DUSP9: variants seen among roughly 807,000 people sequenced by gnomAD.
DUSP9 encodes the protein dual specificity protein phosphatase 9.
In DUSP9, 4 loss-of-function variants were observed where a neutral mutation model predicts 13.2. The observed-to-expected ratio is 0.30, with a 90% CI of 0.15 to 0.69. The LOEUF is 0.69. Ranked by LOEUF, DUSP9 falls within the 30% of genes least tolerant of loss-of-function variation. The pLI, the probability that DUSP9 is intolerant of heterozygous loss-of-function variation, is 0.73. For synonymous variants in DUSP9, 166 were observed against 172.3 expected, an observed-to-expected ratio of 0.96 and a Z score of 0.29; for missense variants, 263 against 355.0, an observed-to-expected ratio of 0.74 and a Z score of 2.08.
rs782005383 is a variant in DUSP9, at chrX:153,650,256, T to C, written c.1106T>C (p.Phe369Ser). The change falls in exon 4 of 4, where the codon TTC becomes TCC. Residue 369 changes from phenylalanine to serine, a missense_variant. Physicochemically the swap from Phe to Ser is radical, Grantham distance 155. Transcript: ENST00000342782. ...TCTGCGGCCTCCAACCCGCCCTCCT[T>C]CTTCACCACCCCCACCAGTGATGGC... ...QASAASNPPSFFTTPTSDGAF... is the reference protein window; with the variant it reads ...QASAASNPPSSFTTPTSDGAF... The C allele has an allele frequency of 3.3e-6, 4 of 1,206,473 alleles. No individual in the cohort carries two copies. The South Asian group carries it at 5.3e-5, about 16-fold the overall frequency.
In DUSP9 at chrX:153,648,103, G is replaced by A. The variant is rs782588600; in HGVS notation, c.150G>A (p.Leu50=). 7 of 1,003,386 alleles carry A rather than the reference G, an allele frequency of 7.0e-6. No homozygotes were observed. The South Asian group carries it at 2.0e-4, about 29-fold the overall frequency. The allele number at this position is 1,003,386 out of a possible 1,213,427, so 82.7% of individuals were successfully genotyped here. A position where few individuals can be genotyped will look rare whatever the true frequency, so the allele number is the denominator to read the frequency against. ...TGAGCGTGGCCCTGCCGGCGCTCCT[G>A]CTGCGCCGCCTGCGGAGGGGCAGCC... The part of the protein sequence containing the change: ...GALSVALPAL[L]LRRLRRGSLS... Residue 50 remains leucine, a synonymous_variant, in exon 2 of 4, where the codon CTG becomes CTA. Transcript: ENST00000342782.
At chrX:153,649,188 CCCAGAAGGCCA>C (rs1569538011) in intron 2 of DUSP9, 33 bp from the exon 3 acceptor site, 6 of 1,167,591 alleles carry the variant, frequency 5.1e-6, no homozygotes, top group Non-Finnish European at 7.0e-6. Flanking sequence ...CACTTGGCTG[CCCAGAAGGCCA>C]GGTCAGCAGG....
In DUSP9 at chrX:153,647,919, C is replaced by T. The variant is rs782105557; in HGVS notation, c.-35C>T. The T allele has an allele frequency of 4.2e-4, 425 of 1,001,410 alleles. 1 individual carries two copies. Among genetic ancestry groups the T allele is most frequent in the Non-Finnish European group, 5.1e-4 (404 of 793,182 alleles). 82.5% of individuals were successfully genotyped at this position (1,001,410 alleles called of 1,213,427 possible). ...CACCGCGCCTTCTCTCTCTTCGCAG[C>T]GCCCGTGGTCCAGCGTGTAGGGAGC... On this transcript the variant is annotated splice_region_variant and 5_prime_UTR_variant, in exon 2 of 4. Coordinates refer to ENST00000342782, the MANE Select transcript of DUSP9 (RefSeq NM_001318503.2).
chrX:153,644,184 CA>C (rs1298310959), upstream of DUSP9, among the ~76,000 whole-genome samples: 3 of 104,977 alleles, frequency 2.9e-5, no homozygotes, highest in East Asian at 9.2e-4. Context: ...CTCCCGGGAC[CA>C]GAGGGCGCAC....
At chrX:153,647,035 C>G (rs1414774672), upstream of DUSP9, among the ~76,000 whole-genome samples, 2 of 112,495 alleles carry the variant, frequency 1.8e-5, no homozygotes, top group Admixed American at 1.8e-4. Flanking sequence ...TTGGCCTCTG[C>G]CCCGACCCCG....
Position 153,648,134 on chromosome X carries a change from G to A in DUSP9, c.181G>A (p.Val61Met), listed in dbSNP as rs1557035801. The A allele has an allele frequency of 1.0e-6, 1 of 994,030 alleles. No individual in the cohort carries two copies. The highest frequency in any genetic ancestry group is 1.3e-6 in the Non-Finnish European group (1 of 793,125). 81.9% of individuals were successfully genotyped at this position (994,030 alleles called of 1,213,427 possible). ...LRRLRRGSLS[V>M]RALLPGPPLQ... ...CCGCCTGCGGAGGGGCAGCCTGTCG[G>A]TGCGCGCGCTCCTGCCTGGGCCGCC... is the stretch of plus-strand genomic sequence containing the variant. Residue 61 changes from valine (V) to methionine (M), a missense_variant, in exon 2 of 4, where the codon GTG becomes ATG. By Grantham distance (21) the Val-to-Met change is conservative. Transcript: ENST00000342782.
upstream of DUSP9, among the ~76,000 whole-genome samples, chrX:153,645,670 C>G (rs1473404466): frequency 8.8e-6 from 1 of 113,145 alleles, no homozygotes; most frequent in Non-Finnish European, 1.9e-5. Context: ...GGTGCCCATC[C>G]TCGTGTGCAT....
At position 153,650,598 on chromosome X, in the gene DUSP9, G is replaced by A; in HGVS notation, c.*293G>A. 3.1e-6 allele frequency: 1 copy of A among 322,805 alleles called. No homozygotes were observed. The highest frequency in any genetic ancestry group is 5.4e-6 in the Non-Finnish European group (1 of 184,920). The allele number at this position is 322,805 out of a possible 1,213,427, so 26.6% of individuals were successfully genotyped here. A position where few individuals can be genotyped will look rare whatever the true frequency, so the allele number is the denominator to read the frequency against. Reference sequence around the variant, plus strand: ...CGGCCCTGGGTGCTCAGCCAGCTCGGCTAGGCCCTGCGCCTCCCTGCGCTT... The same window carrying A: ...CGGCCCTGGGTGCTCAGCCAGCTCGACTAGGCCCTGCGCCTCCCTGCGCTT... On this transcript the variant is annotated 3_prime_UTR_variant, in exon 4 of 4. Coordinates refer to ENST00000342782, the MANE Select transcript of DUSP9 (RefSeq NM_001318503.2).
rs1557036552 is a variant in DUSP9 at position 153,651,266 on chromosome X, C to T, written c.*961C>T. On this transcript the variant is annotated 3_prime_UTR_variant, in exon 4 of 4. Transcript: ENST00000342782. ...TCTATGCTTGTTTGTTTTTGTAATC[C>T]ATATCATAGTTGCTTTCTTTAATTG... 3 of 112,601 alleles carry T rather than the reference C, an allele frequency of 2.7e-5. No individual in the cohort carries two copies. The highest frequency in any genetic ancestry group is 3.8e-5 in the Non-Finnish European group (2 of 53,246). 9.3% of individuals were successfully genotyped at this position (112,601 alleles called of 1,213,427 possible). A position where few individuals can be genotyped will look rare whatever the true frequency, so the allele number is the denominator to read the frequency against.
In DUSP9 at chrX:153,648,060, C is replaced by T. The variant is rs1557035756; in HGVS notation, c.107C>T (p.Ala36Val). 1 of 1,067,946 alleles carries T rather than the reference C, an allele frequency of 9.4e-7. No individual in the cohort carries two copies. Among genetic ancestry groups the T allele is most frequent in the Non-Finnish European group, 1.2e-6 (1 of 831,894 alleles). 88.0% of individuals were successfully genotyped at this position (1,067,946 alleles called of 1,213,427 possible). A position where few individuals can be genotyped will look rare whatever the true frequency, so the allele number is the denominator to read the frequency against. The change falls in exon 2 of 4, where the codon GCG (alanine) becomes GTG (valine). Residue 36 changes from alanine to valine, a missense_variant. Physicochemically the swap from Ala to Val is moderately conservative, Grantham distance 64. Transcript: ENST00000342782. The stretch of plus-strand genomic sequence containing the variant: ...CGCAGCCGCGAGCTGTACGAGTCGG[C>T]GCGCATCGGTGGGGCGCTGAGCGTG... The part of the protein sequence containing the change: ...DCRSRELYES[A>V]RIGGALSVAL...
chrX:153,644,465 G>C (rs2091181358), upstream of DUSP9, among the ~76,000 whole-genome samples: 1 of 108,818 alleles, frequency 9.2e-6, no homozygotes, highest in African/African-American at 3.3e-5. Context: ...GCCCAGAGCC[G>C]GCGCTACAGG....
In DUSP9 at chrX:153,649,816, G is replaced by A. The variant is rs1455074078; in HGVS notation, c.829+129G>A. 5.7e-6 allele frequency: 5 copies of A among 880,336 alleles called. No homozygotes were observed. In the African/African-American group the frequency reaches 8.1e-5, roughly 14 times the overall value. 72.5% of individuals were successfully genotyped at this position (880,336 alleles called of 1,213,427 possible). ...AAAAGCCTAGGTGACAGTTCTAGGG[G>A]ACAGGCAGAGCTAGGGCGGCCCCCA... On this transcript the variant is annotated intron_variant, in intron 3 of 3. Coordinates refer to ENST00000342782, the MANE Select transcript of DUSP9 (RefSeq NM_001318503.2).
At chrX:153,649,887 G>A (rs1198645058) in intron 3 of DUSP9, 93 bp from the exon 4 acceptor site, 8 of 1,051,419 alleles carry the variant, frequency 7.6e-6, no homozygotes, top group Non-Finnish European at 8.9e-6. Flanking sequence ...TGGCCCAGGG[G>A]GCAGGGCGGG....
Position 153,650,035 on chromosome X carries a change from C to T in DUSP9, c.885C>T (p.Ser295=). The change falls in exon 4 of 4, where the codon AGC becomes AGT. Residue 295 remains serine, a synonymous_variant. Coordinates refer to ENST00000342782, the MANE Select transcript of DUSP9 (RefSeq NM_001318503.2). The part of the protein sequence containing the change: ...GVLVHCLAGV[S]RSVTVTVAYL... ...TCGTCCACTGCTTGGCGGGGGTCAG[C>T]CGTTCTGTCACCGTCACTGTGGCCT... 8.3e-7 allele frequency: 1 copy of T among 1,211,283 alleles called. No homozygotes were observed.
At position 153,650,425 on chromosome X, in the gene DUSP9, A is replaced by C; in HGVS notation, c.*120A>C. 1 of 533,333 alleles carries C rather than the reference A, an allele frequency of 1.9e-6. No individual in the cohort carries two copies. Among genetic ancestry groups the C allele is most frequent in the Non-Finnish European group, 3.0e-6 (1 of 333,031 alleles). The allele number at this position is 533,333 out of a possible 1,213,427, so 44.0% of individuals were successfully genotyped here. A position where few individuals can be genotyped will look rare whatever the true frequency, so the allele number is the denominator to read the frequency against. ...GGCCTGAGCAGGGTGCTGGGGGGAG[A>C]GCGCAATACCTCACGCGGGCTGCCG... On this transcript the variant is annotated 3_prime_UTR_variant, in exon 4 of 4. Transcript: ENST00000342782.
upstream of DUSP9, among the ~76,000 whole-genome samples, chrX:153,643,968 G>T (rs1557035175): frequency 1.8e-5 from 2 of 112,519 alleles, no homozygotes; most frequent in Non-Finnish European, 3.8e-5. Flanking sequence ...CCAGTCCCGC[G>T]AGGAGACCGA....
rs139744131 is a variant in DUSP9, at chrX:153,650,224, G to T, written c.1074G>T (p.Gly358=). 1,977 of 1,210,308 alleles carry T rather than the reference G, an allele frequency of 1.6e-3. No homozygotes were observed. The highest frequency in any genetic ancestry group is 2.0e-3 in the Non-Finnish European group (1,796 of 895,150). ...ACTCGCAGGAGCAGGGCAGTGGGGG[G>T]CAGGCATCTGCGGCCTCCAACCCGC... ...ERHSQEQGSG[G]QASAASNPPS... The change falls in exon 4 of 4, where the codon GGG becomes GGT. Residue 358 remains glycine (G), a synonymous_variant. Transcript: ENST00000342782.
intron 2 of DUSP9, 48 bp from the exon 3 acceptor site, chrX:153,649,184 G>T: frequency 8.6e-7 from 1 of 1,161,481 alleles, no homozygotes; most frequent in Non-Finnish European, 1.2e-6. Flanking sequence ...GAGGCACTTG[G>T]CTGCCCAGAA....
At chrX:153,649,849 C>G in intron 3 of DUSP9, 131 bp from the exon 4 acceptor site, 1 of 932,383 alleles carries the variant, frequency 1.1e-6, no homozygotes, top group Non-Finnish European at 1.5e-6. Context: ...CCAGAGGCCA[C>G]TAGAGAAACC....
Sources: allele counts gnomAD v4.1 joint callset (sites outside exome capture counted in the v4.1 genomes callset), GRCh38; gene constraint gnomAD v4.1.1; transcripts MANE v1.5; gene names NCBI Gene and HGNC (gene_info 2026-07-23, HGNC 2026-07-21).